TPRG1: variants seen among roughly 807,000 people sequenced by gnomAD.
TPRG1 encodes tumor protein p63 regulated 1, also known as tumor protein p63-regulated gene 1 protein.
In TPRG1, 29 loss-of-function variants were observed where a neutral mutation model predicts 29.3. The ratio of observed to expected loss-of-function variants is 0.99; its 90% CI spans 0.74 to 1.35. TPRG1 has a LOEUF of 1.35. Among genes scored for constraint, TPRG1 ranks in the 40% most tolerant of loss-of-function variants. The probability of loss-of-function intolerance (pLI) is 0.00; values close to 1 mark genes in which losing one functional copy is unlikely to be tolerated. For missense variants in TPRG1, 327 were observed against 335.0 expected, an observed-to-expected ratio of 0.98 and a Z score of 0.19; for synonymous variants, 130 against 116.8, an observed-to-expected ratio of 1.11 and a Z score of -0.73.
intron 4 of TPRG1, among the ~76,000 whole-genome samples, chr3:189,074,815 C>CT (rs11285539): frequency 3.4e-4 from 50 of 147,742 alleles, no homozygotes; most frequent in South Asian, 1.5e-3. Context: ...GTCAGCCTAC[C>CT]TTTTTTTTTT....
At chr3:189,132,114 G>A (rs899092656) in intron 2 of TPRG1, among the ~76,000 whole-genome samples, 4 of 152,160 alleles carry the variant, frequency 2.6e-5, no homozygotes, top group African/African-American at 9.7e-5. Context: ...AAATTCCAAA[G>A]CTGTATTCCA....
At chr3:189,153,898 T>A (rs1468797300) in intron 5 of TPRG1, among the ~76,000 whole-genome samples, 1 of 152,196 alleles carries the variant, frequency 6.6e-6, no homozygotes, top group Non-Finnish European at 1.5e-5. Context: ...CTCAGAAGCC[T>A]GTCAGTACAG....
chr3:189,180,746 T>G (rs991312591), intron 1 of TPRG1, among the ~76,000 whole-genome samples: 1 of 152,090 alleles, frequency 6.6e-6, no homozygotes, highest in Non-Finnish European at 1.5e-5. Context: ...GTCAGCGCAT[T>G]TACTATTCTG....
chr3:189,087,448 CT>C (rs1718028036), intron 4 of TPRG1, among the ~76,000 whole-genome samples: 1 of 151,818 alleles, frequency 6.6e-6, no homozygotes, highest in African/African-American at 2.4e-5. Flanking sequence ...TTCTCCCATT[CT>C]GTAGGTTGCC....
intron 1 of TPRG1, among the ~76,000 whole-genome samples, chr3:189,178,586 T>C (rs1379608333): frequency 6.6e-6 from 1 of 152,236 alleles, no homozygotes; most frequent in Admixed American, 6.5e-5. Context: ...CAGAACATTT[T>C]ATTTTATCTT....
In TPRG1 at chr3:189,160,685, G is replaced by A. The variant is rs570746703; in HGVS notation, c.-10+9813G>A. 1.3e-4 allele frequency among the ~76,000 whole-genome samples: 20 copies of A among 152,264 alleles called. No homozygotes were observed. The South Asian group carries it at 4.2e-3, about 32-fold the overall frequency. On this transcript the variant is annotated intron_variant, in intron 5 of 6. Transcript: ENST00000412373. ...CAAAATAAAAGAACTCCAGGGAAAG[G>A]CAAAAGCTCAGAGGGAAGTGTTGGA...
chr3:189,212,218 T>G (rs1735378540), intron 2 of TPRG1: 1 of 152,136 alleles, frequency 6.6e-6, no homozygotes, highest in Non-Finnish European at 1.5e-5. Flanking sequence ...GGACTAAAAC[T>G]ATTTGATCTT....
intron 4 of TPRG1, among the ~76,000 whole-genome samples, chr3:189,056,033 CT>C (rs1277448137): frequency 0.14 from 4,012 of 29,460 alleles, 355 homozygotes; most frequent in South Asian, 0.34. Context: ...CCCTCCCTCC[CT>C]TCCTTCCTTC....
At chr3:189,227,228 TAAGGCAGAAGGAC>T in intron 3 of TPRG1, among the ~76,000 whole-genome samples, 1 of 152,106 alleles carries the variant, frequency 6.6e-6, no homozygotes. Context: ...CTCAAGAGGC[TAAGGCAGAAGGAC>T]TGCCTGAGCC....
intron 5 of TPRG1, among the ~76,000 whole-genome samples, chr3:189,151,624 T>C (rs1388715663): frequency 6.6e-6 from 1 of 152,152 alleles, no homozygotes; most frequent in Non-Finnish European, 1.5e-5. Flanking sequence ...CTCATGCCTG[T>C]AATCCCAGAA....
At chr3:189,303,969 C>A (rs1721234975) in intron 4 of TPRG1, among the ~76,000 whole-genome samples, 1 of 152,176 alleles carries the variant, frequency 6.6e-6, no homozygotes, top group African/African-American at 2.4e-5. Flanking sequence ...CTCACTTGAT[C>A]TAAATTCTGC....
At chr3:189,160,143 A>G (rs1180074810) in intron 5 of TPRG1, among the ~76,000 whole-genome samples, 4 of 152,118 alleles carry the variant, frequency 2.6e-5, no homozygotes, top group Admixed American at 6.5e-5. Flanking sequence ...AAGCTTAAGT[A>G]TGTCAGCACC....
intron 4 of TPRG1, among the ~76,000 whole-genome samples, chr3:189,245,341 TAC>T: frequency 6.6e-6 from 1 of 152,196 alleles, no homozygotes; most frequent in Non-Finnish European, 1.5e-5. Context: ...TATGAACATC[TAC>T]AGTTATAAAT....
chr3:189,219,754 G>A, intron 3 of TPRG1: 1 of 1,125,788 alleles, frequency 8.9e-7, no homozygotes, highest in Non-Finnish European at 1.1e-6. Flanking sequence ...AAGTGGTGGT[G>A]GGCGATTGTT....
intron 4 of TPRG1, among the ~76,000 whole-genome samples, chr3:189,297,952 C>T (rs1011948328): frequency 6.6e-6 from 1 of 152,094 alleles, no homozygotes; most frequent in Non-Finnish European, 1.5e-5. Flanking sequence ...TCCCAGGTCT[C>T]CGTCTGAACT....
chr3:189,074,339 G>C (rs1482407744), intron 4 of TPRG1, among the ~76,000 whole-genome samples: 1 of 150,992 alleles, frequency 6.6e-6, no homozygotes, highest in Non-Finnish European at 1.5e-5. Context: ...TTGAGTAGCT[G>C]GGACTACAGG....
At chr3:189,263,665 T>C (rs906133347) in intron 4 of TPRG1, among the ~76,000 whole-genome samples, 5 of 152,322 alleles carry the variant, frequency 3.3e-5, no homozygotes, top group African/African-American at 1.2e-4. Flanking sequence ...TGCCCACTTA[T>C]CTCTCAGGAT....
chr3:189,267,576 G>A (rs1348850252), intron 4 of TPRG1: 2 of 152,136 alleles, frequency 1.3e-5, no homozygotes, highest in African/African-American at 4.8e-5. Context: ...GTTATAAAGT[G>A]GCTCATAAAC....
chr3:189,044,400 C>A (rs560054567), intron 4 of TPRG1, among the ~76,000 whole-genome samples: 1 of 152,186 alleles, frequency 6.6e-6, no homozygotes, highest in South Asian at 2.1e-4. Flanking sequence ...ACTAAAAATA[C>A]AAAAGTTGGC....
Sources: gnomAD v4.1 joint callset for allele counts (sites outside exome capture counted in the v4.1 genomes callset) on GRCh38, gnomAD v4.1.1 for gene constraint, MANE v1.5 for transcripts, NCBI Gene and HGNC (gene_info 2026-07-23, HGNC 2026-07-21) for gene names.